The following CASZ1 variants were observed in gnomAD, a reference collection of about 807,000 sequenced individuals.
CASZ1 encodes castor zinc finger 1, also known as zinc finger protein castor homolog 1.
A neutral mutation model predicts 135.2 loss-of-function variants in CASZ1; 28 were observed. The observed-to-expected ratio is 0.21, with a 90% confidence interval of 0.15 to 0.28. CASZ1 has a LOEUF of 0.28. Among genes scored for constraint, CASZ1 ranks in the 10% least tolerant of loss-of-function variants. CASZ1 has a pLI of 1.00. For synonymous variants in CASZ1, 1,068 were observed against 1,073.4 expected (o/e 0.99, Z 0.10); for missense variants, 2,161 against 2,453.3 (o/e 0.88, Z 2.52).
chr1:10,792,538 C>T (rs951737982), intron 1 of CASZ1, among the ~76,000 whole-genome samples: 3 of 151,954 alleles, frequency 2.0e-5, no homozygotes, highest in African/African-American at 7.3e-5. Flanking sequence ...AACTTAGTCC[C>T]AAAGGATCAT....
At chr1:10,708,787 A>G (rs956909114) in intron 2 of CASZ1, among the ~76,000 whole-genome samples, 1 of 151,886 alleles carries the variant, frequency 6.6e-6, no homozygotes, top group Non-Finnish European at 1.5e-5. Flanking sequence ...AGGAGAGGAG[A>G]GAGTGAAAGA....
intron 2 of CASZ1, among the ~76,000 whole-genome samples, chr1:10,729,294 G>A (rs944495449): frequency 3.9e-5 from 6 of 152,312 alleles, no homozygotes; most frequent in African/African-American, 1.4e-4. Context: ...TGGGGGAGGA[G>A]GACCAGGCTC....
chr1:10,648,035 G>A lies in CASZ1; in HGVS notation c.3263C>T (p.Pro1088Leu), dbSNP rs538567404. The change falls in exon 16 of 21, where the codon CCG (proline) becomes CTG (leucine). Residue 1088 changes from proline (P) to leucine (L), a missense_variant. Physicochemically the swap from Pro to Leu is moderately conservative, Grantham distance 98. Around this residue, in one of 7 missense-constraint regions of CASZ1, gnomAD observed 349 missense variants for 460.8 expected, o/e 0.76. Coordinates refer to ENST00000377022, the MANE Select transcript of CASZ1 (RefSeq NM_001079843.3). ...CGTGGCCGTGGTGACAGGAGGGACC[G>A]GAGGGGACGAGGGGGCCATGGGAGG... ...TKPPMAPSSP[P>L]VPPVTTATVS... 4.7e-5 allele frequency: 75 copies of A among 1,602,442 alleles called. No homozygotes were observed. The highest frequency in any genetic ancestry group is 9.4e-5 in the African/African-American group (7 of 74,768).
At position 10,759,406 on chromosome 1, in the gene CASZ1, A is replaced by G. The variant is rs1403981452; in HGVS notation, c.-77+1295T>C. 6.6e-6 allele frequency among the ~76,000 whole-genome samples: 1 copy of G among 152,190 alleles called. No homozygotes were observed. Among genetic ancestry groups the G allele is most frequent in the Non-Finnish European group, 1.5e-5 (1 of 68,042 alleles). On this transcript the variant is annotated intron_variant, in intron 2 of 20. Transcript: ENST00000377022. The surrounding 1 kb of genome is among the most constrained non-coding windows in gnomAD (Gnocchi z 4.2). ...ACAGCCCCGGTGCTATCCAGGGGACAACGGCAGCACATCCTAAGTACGACA... is the reference window on the plus strand; with the variant it reads ...ACAGCCCCGGTGCTATCCAGGGGACGACGGCAGCACATCCTAAGTACGACA...
At chr1:10,715,988 A>G (rs1639381704) in intron 2 of CASZ1, among the ~76,000 whole-genome samples, 1 of 134,442 alleles carries the variant, frequency 7.4e-6, no homozygotes, top group Non-Finnish European at 1.6e-5. Context: ...ACAGCACCCA[A>G]TCCGCTCCCC....
In CASZ1 at chr1:10,639,223, C is replaced by T. The variant is rs1262705144; in HGVS notation, c.4999G>A (p.Ala1667Thr). The stretch of plus-strand genomic sequence containing the variant: ...TGCGAGGACTCCCCAGCTGCGGCGG[C>T]GGCGGCGGCGGCGCCCTCGCGCGGC... ...PGPREGAAAAAAAAGESSQED... is the reference protein window; with the variant it reads ...PGPREGAAAATAAAGESSQED... Residue 1667 changes from alanine to threonine, a missense_variant, in exon 21 of 21, where the codon GCC (alanine) becomes ACC (threonine). By Grantham distance (58) the Ala-to-Thr change is moderately conservative. Transcript: ENST00000377022. This position sits in a 1 kb window ranked among gnomAD's most constrained non-coding sequence, Gnocchi z 4.0. 2.2e-6 allele frequency: 2 copies of T among 914,492 alleles called. No homozygotes were observed. Among genetic ancestry groups the T allele is most frequent in the Non-Finnish European group, 2.6e-6 (2 of 764,984 alleles). 56.6% of individuals were successfully genotyped at this position (914,492 alleles called of 1,614,324 possible).
At position 10,794,275 on chromosome 1, in the gene CASZ1, C is replaced by A. The variant is rs888436532; in HGVS notation, c.-234+2289G>T. 1.3e-5 allele frequency among the ~76,000 whole-genome samples: 2 copies of A among 152,060 alleles called. No homozygotes were observed. The highest frequency in any genetic ancestry group is 4.8e-5 in the African/African-American group (2 of 41,398). On this transcript the variant is annotated intron_variant, in intron 1 of 20. Transcript: ENST00000377022. This position sits in a 1 kb window ranked among gnomAD's most constrained non-coding sequence, Gnocchi z 5.6. ...CGATCTGTTTTCCAGTCCCCTCGTG[C>A]GCTCTCACCGCGCGCCTGTACCAGC...
At position 10,639,104 on chromosome 1, in the gene CASZ1, G is replaced by A; in HGVS notation, c.5118C>T (p.Asp1706=). The A allele has an allele frequency of 8.7e-7, 1 of 1,147,438 alleles. No homozygotes were observed. Among genetic ancestry groups the A allele is most frequent in the Non-Finnish European group, 1.1e-6 (1 of 910,962 alleles). The allele number at this position is 1,147,438 out of a possible 1,614,324, so 71.1% of individuals were successfully genotyped here. A position where few individuals can be genotyped will look rare whatever the true frequency, so the allele number is the denominator to read the frequency against. The change falls in exon 21 of 21, where the codon GAC becomes GAT. Residue 1706 remains aspartate (D), a synonymous_variant. Transcript: ENST00000377022. The surrounding 1 kb of genome is among the most constrained non-coding windows in gnomAD (Gnocchi z 4.0). The part of the protein sequence containing the change: ...DDDEDDDDED[D]DEDDDDEDLR... Reference sequence around the variant, plus strand: ...GGTCCTCGTCGTCGTCGTCCTCGTCGTCGTCCTCGTCGTCGTCGTCCTCGT... The same window carrying A: ...GGTCCTCGTCGTCGTCGTCCTCGTCATCGTCCTCGTCGTCGTCGTCCTCGT...
At chr1:10,681,261 C>T (rs1638411521) in intron 4 of CASZ1, among the ~76,000 whole-genome samples, 1 of 152,042 alleles carries the variant, frequency 6.6e-6, no homozygotes, top group Non-Finnish European at 1.5e-5. Context: ...TCACCCTGAC[C>T]TCCACGCCTG....
intron 2 of CASZ1, among the ~76,000 whole-genome samples, chr1:10,729,133 G>T (rs897993719): frequency 3.3e-5 from 5 of 152,206 alleles, no homozygotes; most frequent in African/African-American, 1.2e-4. Flanking sequence ...AGGAGGGGGC[G>T]GCCGGCCTGC....
At position 10,694,050 on chromosome 1, in the gene CASZ1, G is replaced by A. The variant is rs564277523; in HGVS notation, c.-23-138C>T. Reference sequence around the variant, plus strand: ...CCCGGGCGGGCGCCGAGGCCGCGGCGGAGAAACTTTCTCCTCCGCGCCGCC... The same window carrying A: ...CCCGGGCGGGCGCCGAGGCCGCGGCAGAGAAACTTTCTCCTCCGCGCCGCC... On this transcript the variant is annotated intron_variant, in intron 3 of 20. Coordinates refer to ENST00000377022, the MANE Select transcript of CASZ1 (RefSeq NM_001079843.3). This position sits in a 1 kb window ranked among gnomAD's most constrained non-coding sequence, Gnocchi z 6.6. The A allele has an allele frequency of 3.7e-5, 27 of 721,444 alleles. No individual in the cohort carries two copies. Among genetic ancestry groups the A allele is most frequent in the Non-Finnish European group, 5.3e-5 (25 of 471,622 alleles). The allele number at this position is 721,444 out of a possible 1,614,324, so 44.7% of individuals were successfully genotyped here.
At chr1:10,766,896 G>A (rs898855233) in intron 1 of CASZ1, among the ~76,000 whole-genome samples, 3 of 152,074 alleles carry the variant, frequency 2.0e-5, no homozygotes, top group Non-Finnish European at 4.4e-5. Context: ...GTCACACACT[G>A]GTACATGATT....
At chr1:10,688,771 C>T (rs976859738) in intron 4 of CASZ1, among the ~76,000 whole-genome samples, 17 of 152,248 alleles carry the variant, frequency 1.1e-4, no homozygotes, top group Non-Finnish European at 2.4e-4. Context: ...GAGGGGTGTG[C>T]GCTAGACCAC....
chr1:10,676,891 C>A lies in CASZ1; in HGVS notation c.17-11320G>T, dbSNP rs1259478190. ...CTGGCGGGTATCAAGGGCATGCACT[C>A]TGTCCGGGCTGAACCCCATACTGCC... On this transcript the variant is annotated intron_variant, in intron 4 of 20. Coordinates refer to ENST00000377022, the MANE Select transcript of CASZ1 (RefSeq NM_001079843.3). The surrounding 1 kb of genome is among the most constrained non-coding windows in gnomAD (Gnocchi z 4.5). Among the ~76,000 whole-genome samples, 1 of 152,262 alleles carries A rather than the reference C, an allele frequency of 6.6e-6. No homozygotes were observed. The highest frequency in any genetic ancestry group is 1.5e-5 in the Non-Finnish European group (1 of 68,048).
chr1:10,727,027 T>C lies in CASZ1; in HGVS notation c.-76-21483A>G, dbSNP rs921064678. On this transcript the variant is annotated intron_variant, in intron 2 of 20. Transcript: ENST00000377022. This position sits in a 1 kb window ranked among gnomAD's most constrained non-coding sequence, Gnocchi z 5.3. ...GAGGTGACTGGCAAGGTTTTCACTTTACCCACTCTGGAAGAGAACACAGCC... is the reference window on the plus strand; with the variant it reads ...GAGGTGACTGGCAAGGTTTTCACTTCACCCACTCTGGAAGAGAACACAGCC... Among the ~76,000 whole-genome samples, 21 of 152,080 alleles carry C rather than the reference T, an allele frequency of 1.4e-4. No individual in the cohort carries two copies. Among genetic ancestry groups the C allele is most frequent in the African/African-American group, 5.1e-4 (21 of 41,380 alleles).
intron 4 of CASZ1, among the ~76,000 whole-genome samples, chr1:10,689,470 C>T (rs1260608973): frequency 6.6e-6 from 1 of 152,234 alleles, no homozygotes; most frequent in Non-Finnish European, 1.5e-5. Context: ...GTAACACTCA[C>T]ATTCAGTGCC....
intron 1 of CASZ1, among the ~76,000 whole-genome samples, chr1:10,792,560 A>G (rs1201447708): frequency 3.3e-5 from 5 of 152,016 alleles, no homozygotes; most frequent in African/African-American, 1.2e-4. Flanking sequence ...AGGAAATGCA[A>G]TCGCTTTGTA....
intron 1 of CASZ1, among the ~76,000 whole-genome samples, chr1:10,763,842 A>G (rs972447368): frequency 5.3e-5 from 8 of 152,134 alleles, no homozygotes; most frequent in Admixed American, 5.2e-4. Context: ...CCTCTTCTCC[A>G]ACAGAACGCT....
intron 1 of CASZ1, among the ~76,000 whole-genome samples, chr1:10,763,858 C>T (rs950906546): frequency 3.3e-5 from 5 of 152,080 alleles, no homozygotes; most frequent in African/African-American, 9.7e-5. Context: ...ACGCTCCATT[C>T]GCTGTTTTCT....
Sources: gnomAD v4.1 joint callset for allele counts (sites outside exome capture counted in the v4.1 genomes callset) on GRCh38, gnomAD v4.1.1 for gene constraint, gnomAD v4.1.1 regional missense constraint, Gnocchi (gnomAD v3.1) non-coding constraint, MANE v1.5 for transcripts, NCBI Gene and HGNC (gene_info 2026-07-23, HGNC 2026-07-21) for gene names.